Variants in MRS2 observed in about 807,000 individuals in gnomAD.
MRS2 encodes the protein magnesium transporter MRS2 homolog, mitochondrial.
A neutral mutation model predicts 52.6 loss-of-function variants in MRS2; 40 were observed. The ratio of observed to expected loss-of-function variants is 0.76; its 90% CI spans 0.59 to 0.99. The LOEUF (loss-of-function observed/expected upper bound fraction) is 0.99, where lower values mean the gene tolerates loss of function less well. MRS2 is among the 50% of genes least tolerant of loss of function. The probability of loss-of-function intolerance (pLI) is 0.00; values close to 1 mark genes in which losing one functional copy is unlikely to be tolerated. For synonymous variants in MRS2, 193 were observed against 195.9 expected, an observed-to-expected ratio of 0.98 and a Z score of 0.13; for missense variants, 472 against 532.7, an observed-to-expected ratio of 0.89 and a Z score of 1.12.
chr6:24,403,514 A>T (rs1228582540), intron 1 of MRS2, among the ~76,000 whole-genome samples: 1 of 152,228 alleles, frequency 6.6e-6, no homozygotes, highest in Non-Finnish European at 1.5e-5. Context: ...TAACCATAGG[A>T]ACAACCTAGG....
chr6:24,416,479 C>A lies in MRS2; in HGVS notation c.802C>A (p.Leu268Ile). ...GGATGAGGAAGAGTTGCTAGAAGAG[C>A]TCTGTGTATCAAAATGGAGTGACCC... ...ILDEEELLEE[L>I]CVSKWSDPQV... Residue 268 changes from leucine to isoleucine, a missense_variant, in exon 7 of 11, where the codon CTC becomes ATC. Leu to Ile is a conservative substitution (Grantham distance 5, BLOSUM62 2). Transcript: ENST00000378386. 6.3e-7 allele frequency: 1 copy of A among 1,598,356 alleles called. No homozygotes were observed. Among genetic ancestry groups the A allele is most frequent in the Non-Finnish European group, 8.6e-7 (1 of 1,167,562 alleles).
chr6:24,415,298 A>G lies in MRS2; in HGVS notation c.719+135A>G, dbSNP rs1040469110. The G allele has an allele frequency of 1.4e-5, 11 of 792,752 alleles. No individual in the cohort carries two copies. The African/African-American group carries it at 1.7e-4, about 12-fold the overall frequency. The allele number at this position is 792,752 out of a possible 1,614,324, so 49.1% of individuals were successfully genotyped here. Reference sequence around the variant, plus strand: ...GAAGTTGAGCTAAAAGGGGCACACAATCTACTGTTTGTTGAAAAGATACTT... The same window carrying G: ...GAAGTTGAGCTAAAAGGGGCACACAGTCTACTGTTTGTTGAAAAGATACTT... On this transcript the variant is annotated intron_variant, in intron 6 of 10. Coordinates refer to ENST00000378386, the MANE Select transcript of MRS2 (RefSeq NM_020662.4).
intron 9 of MRS2, 107 bp from the exon 10 acceptor site, chr6:24,422,830 G>C: frequency 1.5e-6 from 1 of 670,300 alleles, no homozygotes; most frequent in Non-Finnish European, 2.6e-6. Flanking sequence ...ACAGGAAAGA[G>C]CTGTACAAAT....
At chr6:24,411,914 T>C (rs1175589311) in intron 4 of MRS2, among the ~76,000 whole-genome samples, 1 of 150,664 alleles carries the variant, frequency 6.6e-6, no homozygotes, top group African/African-American at 2.4e-5. Flanking sequence ...TTAGTAAATA[T>C]ATAATTTATG....
chr6:24,414,924 C>A, intron 5 of MRS2, 109 bp from the exon 6 acceptor site: 1 of 935,278 alleles, frequency 1.1e-6, no homozygotes, highest in Non-Finnish European at 1.5e-6. Flanking sequence ...GAAATGTTAC[C>A]AGCATTTCAA....
intron 1 of MRS2, 43 bp from the exon 2 acceptor site, chr6:24,405,125 A>G: frequency 6.9e-7 from 1 of 1,452,578 alleles, no homozygotes; most frequent in Non-Finnish European, 9.7e-7. Flanking sequence ...CTATGTGAAA[A>G]CCAATCATGT....
chr6:24,423,763 A>G lies in MRS2; in HGVS notation c.*69A>G, dbSNP rs1762136765. 1.4e-6 allele frequency: 1 copy of G among 691,842 alleles called. No homozygotes were observed. Among genetic ancestry groups the G allele is most frequent in the Non-Finnish European group, 2.4e-6 (1 of 419,086 alleles). 42.9% of individuals were successfully genotyped at this position (691,842 alleles called of 1,614,324 possible). On this transcript the variant is annotated 3_prime_UTR_variant, in exon 11 of 11. Coordinates refer to ENST00000378386, the MANE Select transcript of MRS2 (RefSeq NM_020662.4). ...GGAAACTTCTGATACTCTTTTTATT[A>G]TTTTCTTGTATAGAGTCAGACACTT...
intron 2 of MRS2, among the ~76,000 whole-genome samples, chr6:24,407,559 T>A (rs1761519164): frequency 6.6e-6 from 1 of 152,210 alleles, no homozygotes; most frequent in African/African-American, 2.4e-5. Flanking sequence ...TGACTGTGGA[T>A]AAACATCACT....
chr6:24,415,249 A>T, intron 6 of MRS2, 86 bp downstream of exon 6: 1 of 1,369,148 alleles, frequency 7.3e-7, no homozygotes. Context: ...AACTTTTTTT[A>T]AAGTATGAAA....
At chr6:24,422,865 G>T (rs1762094485) in intron 9 of MRS2, 72 bp from the exon 10 acceptor site, 1 of 1,008,436 alleles carries the variant, frequency 9.9e-7, no homozygotes, top group African/African-American at 1.6e-5. Flanking sequence ...AAACTCTGGG[G>T]CAGTAACAAT....
chr6:24,426,081 C>A lies in MRS2; in HGVS notation c.*2387C>A, dbSNP rs556539961. The A allele has an allele frequency of 1.3e-5, 2 of 152,164 alleles. No homozygotes were observed. The highest frequency in any genetic ancestry group is 2.9e-5 in the Non-Finnish European group (2 of 68,036). The allele number at this position is 152,164 out of a possible 1,614,324, so 9.4% of individuals were successfully genotyped here. A position where few individuals can be genotyped will look rare whatever the true frequency, so the allele number is the denominator to read the frequency against. ...TACAAAGGCATAAAACAATTCCTAT[C>A]TTGAAGCCTTGAGAAAAGCTGTTAC... On this transcript the variant is annotated 3_prime_UTR_variant, in exon 11 of 11. Transcript: ENST00000378386.
rs1351556549 is a variant in MRS2, at chr6:24,403,144, G to A, written c.98G>A (p.Gly33Asp). 1 of 1,611,222 alleles carries A rather than the reference G, an allele frequency of 6.2e-7. No individual in the cohort carries two copies. Among genetic ancestry groups the A allele is most frequent in the African/African-American group, 1.3e-5 (1 of 75,040 alleles). Residue 33 changes from glycine to aspartate, a missense_variant, in exon 1 of 11, where the codon GGT (glycine) becomes GAT (aspartate). Transcript: ENST00000378386. ...CTGGCCTTGGACGTGACCTCTGTGGGTCCTCCCGTTGCTGCCTGCGGCCGC... is the reference window on the plus strand; with the variant it reads ...CTGGCCTTGGACGTGACCTCTGTGGATCCTCCCGTTGCTGCCTGCGGCCGC... Reference protein sequence around the residue: ...CALALDVTSVGPPVAACGRRA... With the variant: ...CALALDVTSVDPPVAACGRRA...
chr6:24,418,185 T>A lies in MRS2; in HGVS notation c.938T>A (p.Leu313His), dbSNP rs1761917157. The part of the protein sequence containing the change: ...ADDLSNAARE[L>H]RVLIDDSQSI... ...GATCTCTCCAATGCAGCTCGTGAGCTTAGGGTGCTGATTGATGATTCACAA... is the reference window on the plus strand; with the variant it reads ...GATCTCTCCAATGCAGCTCGTGAGCATAGGGTGCTGATTGATGATTCACAA... The change falls in exon 8 of 11, where the codon CTT becomes CAT. Residue 313 changes from leucine to histidine, a missense_variant. Coordinates refer to ENST00000378386, the MANE Select transcript of MRS2 (RefSeq NM_020662.4). 9 of 1,613,462 alleles carry A rather than the reference T, an allele frequency of 5.6e-6. No individual in the cohort carries two copies. The highest frequency in any genetic ancestry group is 7.6e-6 in the Non-Finnish European group (9 of 1,179,688).
At chr6:24,404,319 A>G (rs570615484) in intron 1 of MRS2, among the ~76,000 whole-genome samples, 1 of 152,350 alleles carries the variant, frequency 6.6e-6, no homozygotes. Flanking sequence ...AAACATTGAA[A>G]GGCATTTGTA....
chr6:24,423,266 C>T, intron 10 of MRS2: 2 of 526,064 alleles, frequency 3.8e-6, no homozygotes, highest in East Asian at 3.0e-5. Flanking sequence ...CACTTACTAG[C>T]ACACTGCCTA....
Position 24,416,387 on chromosome 6 carries a change from T to C in MRS2, c.720-10T>C. 9.2e-7 allele frequency: 1 copy of C among 1,088,990 alleles called. No individual in the cohort carries two copies. The highest frequency in any genetic ancestry group is 1.4e-6 in the Non-Finnish European group (1 of 713,578). The allele number at this position is 1,088,990 out of a possible 1,614,324, so 67.5% of individuals were successfully genotyped here. A position where few individuals can be genotyped will look rare whatever the true frequency, so the allele number is the denominator to read the frequency against. On this transcript the variant is annotated splice_polypyrimidine_tract_variant and intron_variant, in intron 6 of 10. Coordinates refer to ENST00000378386, the MANE Select transcript of MRS2 (RefSeq NM_020662.4). ...TCTATTGATCATTTTTGTGTATCTATTTCTTATAGTCTATCAGAGTTAGAA... is the reference window on the plus strand; with the variant it reads ...TCTATTGATCATTTTTGTGTATCTACTTCTTATAGTCTATCAGAGTTAGAA...
intron 9 of MRS2, among the ~76,000 whole-genome samples, chr6:24,422,481 C>A (rs1009204085): frequency 6.6e-6 from 1 of 152,076 alleles, no homozygotes; most frequent in Admixed American, 6.6e-5. Flanking sequence ...TTCACAGTAT[C>A]GGAAGACAAA....
rs772967480 is a variant in MRS2, at chr6:24,408,400, A to G, written c.265-8A>G. 3 of 1,556,048 alleles carry G rather than the reference A, an allele frequency of 1.9e-6. No homozygotes were observed. Among genetic ancestry groups the G allele is most frequent in the Non-Finnish European group, 2.7e-6 (3 of 1,128,574 alleles). On this transcript the variant is annotated splice_region_variant and splice_polypyrimidine_tract_variant and intron_variant, in intron 2 of 10. Coordinates refer to ENST00000378386, the MANE Select transcript of MRS2 (RefSeq NM_020662.4). ...AAAATCATAATTTGTTTTATTCTCTATTTTCAGACAAAATTTGACAAACAG... is the reference window on the plus strand; with the variant it reads ...AAAATCATAATTTGTTTTATTCTCTGTTTTCAGACAAAATTTGACAAACAG...
Position 24,424,219 on chromosome 6 carries a change from CCT to C in MRS2, c.*526_*527del, listed in dbSNP as rs1491334554. On this transcript the variant is annotated 3_prime_UTR_variant, in exon 11 of 11. Transcript: ENST00000378386. ...ATAACCTTATTTCTTGTATTTGCCC[CCT>C]TTTTTTTATAAAAGGTGAATAAAAA... is the stretch of plus-strand genomic sequence containing the variant. 2 of 122,508 alleles carry C rather than the reference CCT, an allele frequency of 1.6e-5. No individual in the cohort carries two copies. Among genetic ancestry groups the C allele is most frequent in the African/African-American group, 3.0e-5 (1 of 33,138 alleles). The allele number at this position is 122,508 out of a possible 1,614,324, so 7.6% of individuals were successfully genotyped here.
Sources: gnomAD v4.1 joint callset for allele counts (sites outside exome capture counted in the v4.1 genomes callset) on GRCh38, gnomAD v4.1.1 for gene constraint, MANE v1.5 for transcripts, NCBI Gene and HGNC (gene_info 2026-07-23, HGNC 2026-07-21) for gene names.